Variants in FAR2 observed in about 807,000 individuals in gnomAD.
FAR2 encodes fatty acyl-CoA reductase 2.
FAR2 carries 19 observed loss-of-function variants against 56.0 expected under a neutral mutation model. The ratio of observed to expected loss-of-function variants is 0.34; its 90% CI spans 0.24 to 0.50. FAR2 has a LOEUF of 0.50. FAR2 is among the 20% of genes least tolerant of loss of function. The pLI is 0.98. For missense variants in FAR2, 508 were observed against 642.2 expected (o/e 0.79, Z 2.26); for synonymous variants, 219 against 218.8 (o/e 1.00, Z -0.01).
intron 1 of FAR2, among the ~76,000 whole-genome samples, chr12:29,163,370 T>TA (rs1467283132): frequency 2.0e-5 from 3 of 152,254 alleles, no homozygotes; most frequent in African/African-American, 7.2e-5. Flanking sequence ...ATGTGAGAGT[T>TA]ACAGCATTAC....
intron 1 of FAR2, among the ~76,000 whole-genome samples, chr12:29,195,693 TA>T (rs1289017985): frequency 3.3e-5 from 5 of 152,206 alleles, no homozygotes; most frequent in African/African-American, 1.2e-4. Flanking sequence ...TAAAACTGTT[TA>T]TTTTTTATTG....
intron 8 of FAR2, among the ~76,000 whole-genome samples, chr12:29,312,852 T>C (rs1193469934): frequency 6.6e-6 from 1 of 152,140 alleles, no homozygotes; most frequent in African/African-American, 2.4e-5. Flanking sequence ...CACTGAGAGT[T>C]CTATTGCAGG....
chr12:29,333,325 A>T (rs1236004670), intron 11 of FAR2: 2 of 294,410 alleles, frequency 6.8e-6, no homozygotes, highest in Non-Finnish European at 1.3e-5. Context: ...AACAAGAACC[A>T]GTGAAGATTT....
intron 1 of FAR2, among the ~76,000 whole-genome samples, chr12:29,155,940 A>G (rs1949722743): frequency 6.6e-6 from 1 of 152,200 alleles, no homozygotes; most frequent in Non-Finnish European, 1.5e-5. Context: ...TTGACTTCCT[A>G]GTAGGTCCTC....
chr12:29,192,748 A>G (rs1026712989), intron 1 of FAR2, among the ~76,000 whole-genome samples: 2 of 152,212 alleles, frequency 1.3e-5, no homozygotes, highest in Admixed American at 1.3e-4. Flanking sequence ...AAATACCAAC[A>G]TCAACTAATT....
intron 2 of FAR2, among the ~76,000 whole-genome samples, chr12:29,286,907 T>C (rs1048587638): frequency 2.0e-5 from 3 of 152,160 alleles, no homozygotes; most frequent in African/African-American, 7.2e-5. Context: ...TAATATATGC[T>C]TAATTCTCTG....
At chr12:29,270,879 A>G (rs1948607307) in intron 2 of FAR2, among the ~76,000 whole-genome samples, 1 of 152,216 alleles carries the variant, frequency 6.6e-6, no homozygotes, top group Non-Finnish European at 1.5e-5. Context: ...GGAAACTACT[A>G]ATTATCAAAA....
At chr12:29,168,010 C>T (rs1193989281) in intron 1 of FAR2, among the ~76,000 whole-genome samples, 1 of 152,166 alleles carries the variant, frequency 6.6e-6, no homozygotes, top group East Asian at 1.9e-4. Flanking sequence ...ACAGTGTCGT[C>T]AAAATAAATG....
intron 1 of FAR2, among the ~76,000 whole-genome samples, chr12:29,254,796 AC>A (rs922594502): frequency 2.0e-4 from 30 of 152,140 alleles, no homozygotes; most frequent in Middle Eastern, 3.4e-3. Flanking sequence ...TACTAAAAAT[AC>A]AAAATATTAG....
rs1336025235 is a variant in FAR2, at chr12:29,334,244, C to T, written c.*450C>T. On this transcript the variant is annotated 3_prime_UTR_variant, in exon 12 of 12. Transcript: ENST00000536681. The stretch of plus-strand genomic sequence containing the variant: ...TCAAGATGAGTAAAAGGAGAATGGT[C>T]TCAATATCCTCAAAAATGCAGTAAG... 6.6e-6 allele frequency: 1 copy of T among 152,294 alleles called. No individual in the cohort carries two copies. Among genetic ancestry groups the T allele is most frequent in the African/African-American group, 2.4e-5 (1 of 41,408 alleles). The allele number at this position is 152,294 out of a possible 1,614,324, so 9.4% of individuals were successfully genotyped here.
intron 1 of FAR2, among the ~76,000 whole-genome samples, chr12:29,181,095 G>A (rs1429745975): frequency 6.6e-6 from 1 of 151,834 alleles, no homozygotes; most frequent in African/African-American, 2.4e-5. Context: ...TTTTCTACTT[G>A]ACTCAATAAC....
intron 1 of FAR2, among the ~76,000 whole-genome samples, chr12:29,222,405 A>G (rs1298984749): frequency 1.3e-5 from 2 of 152,182 alleles, no homozygotes; most frequent in Admixed American, 1.3e-4. Context: ...CTATTGCACT[A>G]GGGGAGAGAG....
intron 1 of FAR2, among the ~76,000 whole-genome samples, chr12:29,226,906 C>A (rs892259248): frequency 2.6e-5 from 4 of 152,072 alleles, no homozygotes; most frequent in Non-Finnish European, 5.9e-5. Context: ...AACCTAGAGC[C>A]ATTTGTAAGA....
chr12:29,278,471 C>G (rs1026234492), intron 2 of FAR2, among the ~76,000 whole-genome samples: 1 of 151,922 alleles, frequency 6.6e-6, no homozygotes. Flanking sequence ...TCCCAAGTAG[C>G]TGGGACCACA....
chr12:29,250,935 G>A (rs1948198939), intron 1 of FAR2, among the ~76,000 whole-genome samples: 1 of 152,178 alleles, frequency 6.6e-6, no homozygotes, highest in South Asian at 2.1e-4. Context: ...TGCAATGGGA[G>A]TAATTGGATC....
At chr12:29,153,035 T>G (rs1949693522) in intron 1 of FAR2, among the ~76,000 whole-genome samples, 1 of 152,190 alleles carries the variant, frequency 6.6e-6, no homozygotes, top group Middle Eastern at 3.2e-3. Flanking sequence ...TAACAGAAAT[T>G]CCCTCTAGCT....
At chr12:29,226,672 T>C (rs1756418132) in intron 1 of FAR2, among the ~76,000 whole-genome samples, 1 of 152,202 alleles carries the variant, frequency 6.6e-6, no homozygotes, top group African/African-American at 2.4e-5. Flanking sequence ...TTTAGATATT[T>C]AATTTTTGTA....
chr12:29,172,392 A>C (rs1229419872), intron 1 of FAR2, among the ~76,000 whole-genome samples: 1 of 152,234 alleles, frequency 6.6e-6, no homozygotes, highest in Admixed American at 6.5e-5. Flanking sequence ...AGTTTAAAAA[A>C]AAAATAAAGT....
intron 1 of FAR2, among the ~76,000 whole-genome samples, chr12:29,270,112 T>G (rs1441516324): frequency 2.0e-5 from 3 of 152,242 alleles, no homozygotes; most frequent in Non-Finnish European, 4.4e-5. Context: ...TACTATATTG[T>G]ATTTAACAGT....
Sources: gnomAD v4.1 joint callset for allele counts (sites outside exome capture counted in the v4.1 genomes callset) on GRCh38, gnomAD v4.1.1 for gene constraint, MANE v1.5 for transcripts, NCBI Gene and HGNC (gene_info 2026-07-23, HGNC 2026-07-21) for gene names.